MYT1L: variants seen among roughly 807,000 people sequenced by gnomAD.
The protein encoded by MYT1L is myelin transcription factor 1-like protein.
MYT1L carries 12 observed loss-of-function variants against 126.7 expected under a neutral mutation model. The ratio of observed to expected loss-of-function variants is 0.09; its 90% CI spans 0.06 to 0.15. The LOEUF is 0.15. Ranked by LOEUF, MYT1L falls within the 10% of genes least tolerant of loss-of-function variation. The probability of loss-of-function intolerance (pLI) is 1.00; values close to 1 mark genes in which losing one functional copy is unlikely to be tolerated. For synonymous variants in MYT1L, 541 were observed against 604.2 expected (o/e 0.90, Z 1.53); for missense variants, 979 against 1,585.2 (o/e 0.62, Z 6.49).
chr2:1,848,609 T>C lies in MYT1L; in HGVS notation c.2774+3032A>G, dbSNP rs930154692. 6.6e-6 allele frequency among the ~76,000 whole-genome samples: 1 copy of C among 152,168 alleles called. No homozygotes were observed. Among genetic ancestry groups the C allele is most frequent in the Non-Finnish European group, 1.5e-5 (1 of 68,030 alleles). On this transcript the variant is annotated intron_variant, in intron 19 of 24. Coordinates refer to ENST00000647738, the MANE Select transcript of MYT1L (RefSeq NM_001303052.2). This position sits in a 1 kb window ranked among gnomAD's most constrained non-coding sequence, Gnocchi z 4.8. ...CTTCCTGTTCCTGGGAAACAGACAA[T>C]AGAAGATTAACATGAAAAGAAGTTC...
rs538050818 is a variant in MYT1L at position 2,204,119 on chromosome 2, A to G, written c.-420-31131T>C. ...TTATGCAAAAATTAATTCAAGATGGATTAAATACTTACATGTTAGACCTAA... is the reference window on the plus strand; with the variant it reads ...TTATGCAAAAATTAATTCAAGATGGGTTAAATACTTACATGTTAGACCTAA... On this transcript the variant is annotated intron_variant, in intron 2 of 24. Transcript: ENST00000647738. 1.0e-3 allele frequency among the ~76,000 whole-genome samples: 156 copies of G among 152,378 alleles called. 1 individual carries two copies. The highest frequency in any genetic ancestry group is 3.4e-3 in the Middle Eastern group (1 of 294).
intron 2 of MYT1L, among the ~76,000 whole-genome samples, chr2:2,201,465 C>G (rs1045510589): frequency 6.6e-6 from 1 of 152,036 alleles, no homozygotes; most frequent in Non-Finnish European, 1.5e-5. Flanking sequence ...TTTGGGAGAC[C>G]AAGGCAGGCG....
At chr2:2,291,850 G>A (rs1009098902) in intron 1 of MYT1L, among the ~76,000 whole-genome samples, 45 of 152,360 alleles carry the variant, frequency 3.0e-4, no homozygotes, top group African/African-American at 9.9e-4. Context: ...CTGTCTCACA[G>A]AGTATTTGAT....
intron 2 of MYT1L, among the ~76,000 whole-genome samples, chr2:2,197,766 A>T (rs1164597091): frequency 6.9e-6 from 1 of 145,906 alleles, no homozygotes; most frequent in Non-Finnish European, 1.5e-5. Context: ...CACACACACA[A>T]TGAATGTGTA....
chr2:2,285,233 C>A (rs1295704342), intron 1 of MYT1L, among the ~76,000 whole-genome samples: 1 of 152,128 alleles, frequency 6.6e-6, no homozygotes, highest in Non-Finnish European at 1.5e-5. Context: ...GGGAGTGCAT[C>A]GTGAATTGCA....
rs574520168 is a variant in MYT1L, at chr2:2,280,493, T to C, written c.-421+3911A>G. ...AGACAGAAATCAGGAGCTGAGACTA[T>C]GGGGTGCCTTTTAAACCGAACTAAA... On this transcript the variant is annotated intron_variant, in intron 2 of 24. Coordinates refer to ENST00000647738, the MANE Select transcript of MYT1L (RefSeq NM_001303052.2). Among the ~76,000 whole-genome samples the C allele has an allele frequency of 2.0e-5, 3 of 152,328 alleles. No homozygotes were observed. In the South Asian group the frequency reaches 6.2e-4, roughly 32 times the overall value.
chr2:2,047,265 C>T (rs572701059), intron 4 of MYT1L, among the ~76,000 whole-genome samples: 10 of 152,310 alleles, frequency 6.6e-5, no homozygotes, highest in African/African-American at 2.4e-4. Context: ...CTTCATTTCA[C>T]TTGGCCATAT....
In MYT1L at chr2:1,910,436, G is replaced by C; in HGVS notation, c.1710-89C>G. 1 of 1,207,054 alleles carries C rather than the reference G, an allele frequency of 8.3e-7. No individual in the cohort carries two copies. Among genetic ancestry groups the C allele is most frequent in the Non-Finnish European group, 1.2e-6 (1 of 841,004 alleles). The allele number at this position is 1,207,054 out of a possible 1,614,324, so 74.8% of individuals were successfully genotyped here. A position where few individuals can be genotyped will look rare whatever the true frequency, so the allele number is the denominator to read the frequency against. ...CCCTTAGCACCAAGACCCTGATGCA[G>C]GTGGAGCTGGTGAGGGAGGGGTAGT... On this transcript the variant is annotated intron_variant, in intron 12 of 24. Coordinates refer to ENST00000647738, the MANE Select transcript of MYT1L (RefSeq NM_001303052.2). This position sits in a 1 kb window ranked among gnomAD's most constrained non-coding sequence, Gnocchi z 4.8.
intron 21 of MYT1L, 33 bp downstream of exon 21, chr2:1,839,116 C>A: frequency 6.4e-7 from 1 of 1,566,848 alleles, no homozygotes; most frequent in Non-Finnish European, 8.7e-7. Flanking sequence ...GCGGCACCAT[C>A]CCAGCCAGGG....
intron 2 of MYT1L, among the ~76,000 whole-genome samples, chr2:2,175,055 T>C (rs2090565663): frequency 1.3e-5 from 2 of 152,076 alleles, no homozygotes; most frequent in South Asian, 4.1e-4. Context: ...TCTATGTGTG[T>C]TGTATGTTGA....
At chr2:1,954,958 A>AC (rs1359847779) in intron 8 of MYT1L, among the ~76,000 whole-genome samples, 1 of 151,758 alleles carries the variant, frequency 6.6e-6, no homozygotes, top group Non-Finnish European at 1.5e-5. Context: ...AGAAAAAGAG[A>AC]GAGAGAGAAA....
intron 2 of MYT1L, among the ~76,000 whole-genome samples, chr2:2,192,460 C>A (rs1164417028): frequency 6.7e-6 from 1 of 149,976 alleles, no homozygotes; most frequent in Non-Finnish European, 1.5e-5. Context: ...TCTAGCTTCC[C>A]TCTCTGAAAA....
At chr2:1,832,818 A>G (rs919948743) in intron 21 of MYT1L, among the ~76,000 whole-genome samples, 1 of 152,020 alleles carries the variant, frequency 6.6e-6, no homozygotes, top group Non-Finnish European at 1.5e-5. Flanking sequence ...TGGACTAGAC[A>G]TTTCTCCTCT....
intron 3 of MYT1L, among the ~76,000 whole-genome samples, chr2:2,124,528 T>A (rs552490626): frequency 6.6e-6 from 1 of 152,214 alleles, no homozygotes; most frequent in Non-Finnish European, 1.5e-5. Context: ...ACTTCTGACC[T>A]CAGGTAATGC....
At chr2:1,796,371 G>A (rs1225059617) in intron 23 of MYT1L, among the ~76,000 whole-genome samples, 2 of 152,196 alleles carry the variant, frequency 1.3e-5, no homozygotes, top group Non-Finnish European at 2.9e-5. Flanking sequence ...AAGTGTCCTC[G>A]TGCAGGGAGG....
chr2:1,809,307 A>G (rs567671024), intron 21 of MYT1L, 140 bp from the exon 22 acceptor site: 2 of 759,170 alleles, frequency 2.6e-6, no homozygotes, highest in East Asian at 2.5e-5. Context: ...GAAAAAGCAA[A>G]AAGACCAATG....
At chr2:1,897,267 G>GT (rs2049716422) in intron 14 of MYT1L, among the ~76,000 whole-genome samples, 1 of 152,204 alleles carries the variant, frequency 6.6e-6, no homozygotes, top group African/African-American at 2.4e-5. Flanking sequence ...CTTCATGCCA[G>GT]TATCTTTTGG....
intron 2 of MYT1L, among the ~76,000 whole-genome samples, chr2:2,255,056 A>G (rs567908085): frequency 1.1e-4 from 16 of 152,332 alleles, no homozygotes; most frequent in African/African-American, 3.8e-4. Flanking sequence ...AGACATGTGA[A>G]TGTTTAATAG....
At chr2:2,248,683 C>T (rs752196616) in intron 2 of MYT1L, among the ~76,000 whole-genome samples, 8 of 151,934 alleles carry the variant, frequency 5.3e-5, no homozygotes, top group African/African-American at 7.2e-5. Context: ...TATGACCCAG[C>T]GAAATTTATC....
Sources: gnomAD v4.1 joint callset for allele counts (sites outside exome capture counted in the v4.1 genomes callset) on GRCh38, gnomAD v4.1.1 for gene constraint, Gnocchi (gnomAD v3.1) non-coding constraint, MANE v1.5 for transcripts, NCBI Gene and HGNC (gene_info 2026-07-23, HGNC 2026-07-21) for gene names.